Variants in RUFY4 observed in about 807,000 individuals in gnomAD.
RUFY4 encodes RUN and FYVE domain containing 4, also known as RUN and FYVE domain-containing protein 4.
RUFY4 carries 73 observed loss-of-function variants against 69.0 expected under a neutral mutation model. That is an observed-to-expected ratio of 1.06 (90% CI 0.88 to 1.29). RUFY4 has a LOEUF of 1.29. RUFY4 is among the 50% of genes most tolerant of loss of function. The pLI is 0.00. For missense variants in RUFY4, 770 were observed against 705.6 expected (o/e 1.09, Z -1.03); for synonymous variants, 287 against 271.8 (o/e 1.06, Z -0.55).
At chr2:218,078,418 G>A (rs180722302) in intron 8 of RUFY4, among the ~76,000 whole-genome samples, 127 of 152,248 alleles carry the variant, frequency 8.3e-4, no homozygotes, top group African/African-American at 3.0e-3. Flanking sequence ...GGACGGGCAG[G>A]GCAGGTTCTA....
chr2:218,060,742 A>G (rs1689164138), intron 3 of RUFY4: 5 of 1,459,224 alleles, frequency 3.4e-6, no homozygotes, highest in Non-Finnish European at 3.8e-6. Flanking sequence ...GCAGAACAGC[A>G]TGATCGCAGC....
intron 2 of RUFY4, among the ~76,000 whole-genome samples, chr2:218,043,979 C>G (rs1254297036): frequency 6.6e-6 from 1 of 152,260 alleles, no homozygotes; most frequent in Non-Finnish European, 1.5e-5. Flanking sequence ...TGAGTGTGCA[C>G]CCACCCAGCA....
intron 2 of RUFY4, among the ~76,000 whole-genome samples, chr2:218,049,575 C>T (rs1688901083): frequency 6.6e-6 from 1 of 151,582 alleles, no homozygotes. Context: ...GGCATGAACT[C>T]AGCTCACCGC....
rs971044975 is a variant in RUFY4 at position 218,074,371 on chromosome 2, C to T, written c.600+486C>T. 3.3e-5 allele frequency among the ~76,000 whole-genome samples: 5 copies of T among 152,202 alleles called. 1 individual carries two copies. Reference sequence around the variant, plus strand: ...CCCATAGGGATATTGTGAGGATGAACGGACACAACTCACATCCAGCACTGC... The same window carrying T: ...CCCATAGGGATATTGTGAGGATGAATGGACACAACTCACATCCAGCACTGC... On this transcript the variant is annotated intron_variant, in intron 6 of 10. Transcript: ENST00000344321.
intron 10 of RUFY4, chr2:218,089,605 C>T: frequency 1.5e-6 from 1 of 683,754 alleles, no homozygotes; most frequent in Non-Finnish European, 2.7e-6. Context: ...CCTCCAAGAG[C>T]CGATTGAGAA....
chr2:218,076,774 C>T (rs1018023845), intron 8 of RUFY4, among the ~76,000 whole-genome samples: 3 of 152,222 alleles, frequency 2.0e-5, no homozygotes, highest in African/African-American at 4.8e-5. Flanking sequence ...GGAAAGGCCC[C>T]GCCTCCTGGC....
intron 2 of RUFY4, among the ~76,000 whole-genome samples, chr2:218,037,666 C>T (rs1958999556): frequency 6.6e-6 from 1 of 152,208 alleles, no homozygotes; most frequent in Admixed American, 6.5e-5. Flanking sequence ...ACCAGCAATA[C>T]CTATAGATTC....
intron 2 of RUFY4, 106 bp downstream of exon 4, chr2:218,070,965 C>G (rs1689471831): frequency 2.5e-6 from 2 of 792,534 alleles, no homozygotes; most frequent in Admixed American, 5.3e-5. Context: ...CCTTACCATG[C>G]ACTGTGTCAT....
At chr2:218,045,079 C>A (rs1688795446) in intron 2 of RUFY4, among the ~76,000 whole-genome samples, 1 of 152,112 alleles carries the variant, frequency 6.6e-6, no homozygotes, top group African/African-American at 2.4e-5. Flanking sequence ...ATAAGTGTTC[C>A]TTTTTCTCCC....
At chr2:218,040,158 T>C (rs1959041348) in intron 2 of RUFY4, among the ~76,000 whole-genome samples, 1 of 151,808 alleles carries the variant, frequency 6.6e-6, no homozygotes, top group African/African-American at 2.4e-5. Context: ...ATCCATAGAG[T>C]GGAAAATTCA....
At chr2:218,056,106 G>A (rs1050000298) in intron 2 of RUFY4, among the ~76,000 whole-genome samples, 4 of 152,122 alleles carry the variant, frequency 2.6e-5, no homozygotes, top group Non-Finnish European at 4.4e-5. Context: ...GCTCACTCAC[G>A]GAATGCTACA....
intron 3 of RUFY4, chr2:218,060,546 G>A: frequency 7.7e-7 from 1 of 1,299,514 alleles, no homozygotes; most frequent in South Asian, 1.2e-5. Context: ...GGGCCTGGTT[G>A]ATGTCGTTGC....
intron 2 of RUFY4, among the ~76,000 whole-genome samples, chr2:218,038,526 C>G (rs905559285): frequency 6.6e-6 from 1 of 152,140 alleles, no homozygotes; most frequent in Non-Finnish European, 1.5e-5. Context: ...AAGAATATTA[C>G]ACTTCAGCAG....
chr2:218,085,291 A>G (rs1689865932), intron 9 of RUFY4, among the ~76,000 whole-genome samples: 1 of 152,202 alleles, frequency 6.6e-6, no homozygotes, highest in Non-Finnish European at 1.5e-5. Context: ...GGCAGGAGAC[A>G]TTAAACTATG....
upstream of RUFY4, chr2:218,069,087 C>G (rs937362500): frequency 6.6e-6 from 1 of 152,356 alleles, no homozygotes; most frequent in East Asian, 1.9e-4. Flanking sequence ...GACTCTACCC[C>G]AGGTGGGCCT....
chr2:218,035,714 T>A (rs955232897), intron 2 of RUFY4, among the ~76,000 whole-genome samples: 1 of 151,950 alleles, frequency 6.6e-6, no homozygotes, highest in Non-Finnish European at 1.5e-5. Context: ...CCAGGATCCA[T>A]TGGGAGGAGA....
chr2:218,072,193 TC>T (rs1178918538), intron 2 of RUFY4, among the ~76,000 whole-genome samples, 180 bp from the exon 5 acceptor site: 3 of 152,158 alleles, frequency 2.0e-5, no homozygotes, highest in African/African-American at 7.2e-5. Flanking sequence ...ACACTGAGGC[TC>T]AGGGAGGTCA....
intron 8 of RUFY4, among the ~76,000 whole-genome samples, chr2:218,078,898 G>A (rs190610961): frequency 5.9e-5 from 9 of 152,090 alleles, no homozygotes; most frequent in Admixed American, 2.6e-4. Flanking sequence ...ACAGAGTTTC[G>A]CTCTTGCTGC....
intron 3 of RUFY4, among the ~76,000 whole-genome samples, chr2:218,063,123 C>T (rs1574502996): frequency 6.6e-6 from 1 of 152,226 alleles, no homozygotes; most frequent in East Asian, 1.9e-4. Flanking sequence ...AATGTTATCC[C>T]AGTTTCTCAA....
Sources: gnomAD v4.1 joint callset for allele counts (sites outside exome capture counted in the v4.1 genomes callset) on GRCh38, gnomAD v4.1.1 for gene constraint, MANE v1.5 for transcripts, NCBI Gene and HGNC (gene_info 2026-07-23, HGNC 2026-07-21) for gene names.